Variants in RTL4 observed in about 807,000 individuals in gnomAD.
The protein encoded by RTL4 is retrotransposon Gag like 4.
RTL4 carries 4 observed loss-of-function variants against 5.3 expected under a neutral mutation model. The ratio of observed to expected loss-of-function variants is 0.75; its 90% CI spans 0.37 to 1.72. The LOEUF is 1.72. RTL4 is among the 40% of genes most tolerant of loss of function. RTL4 has a pLI of 0.04. For synonymous variants in RTL4, 98 were observed against 87.3 expected, an observed-to-expected ratio of 1.12 and a Z score of -0.68; for missense variants, 260 against 227.1, an observed-to-expected ratio of 1.14 and a Z score of -0.93.
the RTL4 span, among the ~76,000 whole-genome samples, chrX:112,341,384 G>A: frequency 8.9e-6 from 1 of 111,958 alleles, no homozygotes; most frequent in Non-Finnish European, 1.9e-5. Context: ...GCAATAAGTT[G>A]AGGAGATGTC....
the RTL4 span, among the ~76,000 whole-genome samples, chrX:112,437,571 T>A: frequency 9.0e-6 from 1 of 110,954 alleles, no homozygotes; most frequent in Non-Finnish European, 1.9e-5. Flanking sequence ...ATAATAAAAA[T>A]AGTTTAAAAA....
the RTL4 span, among the ~76,000 whole-genome samples, chrX:112,372,002 T>C: frequency 8.9e-6 from 1 of 111,915 alleles, no homozygotes; most frequent in Non-Finnish European, 1.9e-5. Context: ...TATGCATACA[T>C]AAAAGTATAC....
At chrX:112,225,942 C>T in the RTL4 span, among the ~76,000 whole-genome samples, 1 of 111,765 alleles carries the variant, frequency 8.9e-6, no homozygotes, top group African/African-American at 3.2e-5. Context: ...GTAGCAGTTG[C>T]CTATTTCCAT....
chrX:112,149,182 G>A, the RTL4 span, among the ~76,000 whole-genome samples: 1 of 111,851 alleles, frequency 8.9e-6, no homozygotes, highest in African/African-American at 3.3e-5. Flanking sequence ...ATATTTAATA[G>A]GTGCCTGCTA....
chrX:112,257,550 G>A, the RTL4 span, among the ~76,000 whole-genome samples: 1 of 110,733 alleles, frequency 9.0e-6, no homozygotes, highest in Non-Finnish European at 1.9e-5. Context: ...AGTTCTGGAG[G>A]TTTAGAAGTC....
chrX:112,419,596 T>TACA, the RTL4 span, among the ~76,000 whole-genome samples: 27 of 48,656 alleles, frequency 5.5e-4, 1 homozygote, highest in African/African-American at 1.6e-3. Context: ...TATATATATT[T>TACA]TTACATATGT....
chrX:112,409,332 AGTT>A, the RTL4 span, among the ~76,000 whole-genome samples: 4 of 112,208 alleles, frequency 3.6e-5, no homozygotes, highest in Non-Finnish European at 7.5e-5. Context: ...TTCAGTGTTA[AGTT>A]GTTATCAGTT....
chrX:112,360,849 G>C, the RTL4 span, among the ~76,000 whole-genome samples: 1 of 111,070 alleles, frequency 9.0e-6, no homozygotes, highest in Non-Finnish European at 1.9e-5. Context: ...AGTCATTTAA[G>C]ATAGTTATGA....
the RTL4 span, among the ~76,000 whole-genome samples, chrX:112,224,561 C>G: frequency 6.4e-5 from 7 of 110,138 alleles, no homozygotes; most frequent in Admixed American, 6.9e-4. Flanking sequence ...AGGCTAGTCT[C>G]AAACTGGTCT....
At chrX:112,130,944 C>T in the RTL4 span, among the ~76,000 whole-genome samples, 1 of 102,531 alleles carries the variant, frequency 9.8e-6, no homozygotes. Context: ...CAGGCTCCCG[C>T]CACCATGCCC....
At chrX:112,257,648 T>C in the RTL4 span, among the ~76,000 whole-genome samples, 5 of 109,783 alleles carry the variant, frequency 4.6e-5, no homozygotes. Flanking sequence ...CAACTCTTTA[T>C]AATGGTACTT....
At chrX:112,115,651 G>A in the RTL4 span, among the ~76,000 whole-genome samples, 1 of 111,705 alleles carries the variant, frequency 9.0e-6, no homozygotes, top group Non-Finnish European at 1.9e-5. Flanking sequence ...CCACCCCCCC[G>A]ACAGGGCTTT....
At chrX:112,430,844 C>T in the RTL4 span, among the ~76,000 whole-genome samples, 3 of 112,286 alleles carry the variant, frequency 2.7e-5, no homozygotes, top group Non-Finnish European at 5.6e-5. Context: ...CCACCTGCCT[C>T]AACCTCCCAT....
chrX:112,141,645 G>A, the RTL4 span, among the ~76,000 whole-genome samples: 1 of 110,782 alleles, frequency 9.0e-6, no homozygotes, highest in African/African-American at 3.3e-5. Context: ...AAATGCCACG[G>A]TGTCTTGGAG....
chrX:112,344,631 G>A, the RTL4 span, among the ~76,000 whole-genome samples: 1 of 112,012 alleles, frequency 8.9e-6, no homozygotes, highest in African/African-American at 3.2e-5. Flanking sequence ...CTCCAACACT[G>A]GGGATTACAA....
the RTL4 span, among the ~76,000 whole-genome samples, chrX:112,399,576 T>C: frequency 8.9e-6 from 1 of 111,821 alleles, no homozygotes; most frequent in Non-Finnish European, 1.9e-5. Context: ...CCCGTGTTTT[T>C]TAAAGAATGT....
the RTL4 span, among the ~76,000 whole-genome samples, chrX:112,117,673 C>T: frequency 1.8e-5 from 2 of 111,097 alleles, no homozygotes; most frequent in Non-Finnish European, 3.8e-5. Flanking sequence ...AAGAGAACAG[C>T]AGTATGTAGT....
the RTL4 span, among the ~76,000 whole-genome samples, chrX:112,227,435 A>G: frequency 9.0e-6 from 1 of 111,452 alleles, no homozygotes; most frequent in Non-Finnish European, 1.9e-5. Flanking sequence ...ATTCCAGTCC[A>G]TCAATTCAAA....
chrX:112,362,965 C>A, the RTL4 span, among the ~76,000 whole-genome samples: 5 of 110,951 alleles, frequency 4.5e-5, no homozygotes, highest in Non-Finnish European at 9.5e-5. Flanking sequence ...CAAGTTTGTA[C>A]GGAAAAAGCA....
Sources: gnomAD v4.1 joint callset for allele counts (sites outside exome capture counted in the v4.1 genomes callset) on GRCh38, gnomAD v4.1.1 for gene constraint, MANE v1.5 for transcripts, NCBI Gene and HGNC (gene_info 2026-07-23, HGNC 2026-07-21) for gene names.